NETO1: variants seen among roughly 807,000 people sequenced by gnomAD.
NETO1 encodes neuropilin and tolloid-like protein 1.
A neutral mutation model predicts 61.3 loss-of-function variants in NETO1; 26 were observed. The observed-to-expected ratio is 0.42, with a 90% confidence interval of 0.31 to 0.59. The LOEUF is 0.59. Among genes scored for constraint, NETO1 ranks in the 20% least tolerant of loss-of-function variants. The pLI, the probability that NETO1 is intolerant of heterozygous loss-of-function variation, is 0.12. For synonymous variants in NETO1, 225 were observed against 225.8 expected (o/e 1.00, Z 0.03); for missense variants, 531 against 662.8 (o/e 0.80, Z 2.18).
intron 7 of NETO1, among the ~76,000 whole-genome samples, chr18:72,775,438 T>C (rs763750830): frequency 2.0e-5 from 3 of 152,190 alleles, no homozygotes; most frequent in Admixed American, 1.3e-4. Flanking sequence ...TGCATTCATA[T>C]AGTCCCCAAA....
intron 4 of NETO1, among the ~76,000 whole-genome samples, chr18:72,823,069 A>G (rs1256960330): frequency 6.6e-6 from 1 of 152,186 alleles, no homozygotes; most frequent in Non-Finnish European, 1.5e-5. Flanking sequence ...CAAGATACAG[A>G]TACCCAAAAA....
chr18:72,861,033 C>T (rs2074556237), intron 3 of NETO1, among the ~76,000 whole-genome samples: 1 of 152,182 alleles, frequency 6.6e-6, no homozygotes, highest in South Asian at 2.1e-4. Flanking sequence ...CAGTCCTTAG[C>T]TAATTTACTT....
At position 72,748,998 on chromosome 18, in the gene NETO1, A is replaced by T. The variant is rs1240477639; in HGVS notation, c.*14+16T>A. On this transcript the variant is annotated intron_variant, in intron 10 of 10. Transcript: ENST00000327305. The stretch of plus-strand genomic sequence containing the variant: ...ATACGACAAAGTAGGAAAAGGAACC[A>T]AGGGCATCTGCTTACCTTGAATTTT... 1.3e-6 allele frequency: 2 copies of T among 1,554,018 alleles called. No homozygotes were observed. The highest frequency in any genetic ancestry group is 3.3e-5 in the Admixed American group (2 of 59,744).
At position 72,858,856 on chromosome 18, in the gene NETO1, C is replaced by G. The variant is rs1300015503; in HGVS notation, c.439G>C (p.Gly147Arg). 6.2e-7 allele frequency: 1 copy of G among 1,612,588 alleles called. No individual in the cohort carries two copies. The highest frequency in any genetic ancestry group is 1.3e-5 in the African/African-American group (1 of 74,794). Reference protein sequence around the residue: ...FFADGELESMGFSARYNFTPD... With the variant: ...FFADGELESMRFSARYNFTPD... ...GTGAAATTGTATCGAGCTGAAAATC[C>G]CATAGATTCCAGCTCTCCATCAGCA... Residue 147 changes from glycine (G) to arginine (R), a missense_variant, in exon 4 of 11, where the codon GGA (glycine) becomes CGA (arginine). Coordinates refer to ENST00000327305, the MANE Select transcript of NETO1 (RefSeq NM_138966.5).
chr18:72,865,421 G>T, intron 1 of NETO1, 180 bp from the exon 2 acceptor site: 1 of 1,098,386 alleles, frequency 9.1e-7, no homozygotes, highest in Non-Finnish European at 1.3e-6. Context: ...AGGAAACCTT[G>T]GGACTCCCTT....
chr18:72,783,657 G>C, intron 7 of NETO1, 21 bp downstream of exon 7: 1 of 1,606,374 alleles, frequency 6.2e-7, no homozygotes, highest in Non-Finnish European at 8.5e-7. Context: ...AGGAAAAATA[G>C]TCAAGTGCAG....
rs1032556178 is a variant in NETO1, at chr18:72,756,525, T to A, written c.869-378A>T. ...TTTAGTTTTACTGTGCAAAAACACC[T>A]AATAGAAATTTTTAAATAATTTTGA... On this transcript the variant is annotated intron_variant, in intron 7 of 10. Transcript: ENST00000327305. 2.0e-5 allele frequency among the ~76,000 whole-genome samples: 3 copies of A among 152,136 alleles called. No homozygotes were observed. In the South Asian group the frequency reaches 6.2e-4, roughly 31 times the overall value.
chr18:72,764,431 A>T (rs1189043173), intron 7 of NETO1, among the ~76,000 whole-genome samples: 1 of 152,170 alleles, frequency 6.6e-6, no homozygotes. Flanking sequence ...AATGTTTATC[A>T]GTTCAGGTAA....
intron 4 of NETO1, among the ~76,000 whole-genome samples, chr18:72,816,755 A>G (rs181687769): frequency 1.3e-5 from 2 of 152,278 alleles, no homozygotes; most frequent in East Asian, 3.9e-4. Flanking sequence ...TCATCCCACC[A>G]TCTTCCCATT....
At chr18:72,763,307 C>T (rs952363256) in intron 7 of NETO1, among the ~76,000 whole-genome samples, 3 of 152,004 alleles carry the variant, frequency 2.0e-5, no homozygotes, top group Non-Finnish European at 2.9e-5. Context: ...TATTACATCA[C>T]GAAAAATTGG....
chr18:72,745,951 G>C lies in NETO1; in HGVS notation c.*2228C>G, dbSNP rs1323787324. On this transcript the variant is annotated 3_prime_UTR_variant, in exon 11 of 11. Transcript: ENST00000327305. ...ACAGTTGTTTTCCCATGAAGCTGCT[G>C]TGTGTTAAATATATGTGAGCTATTC... 1 of 152,146 alleles carries C rather than the reference G, an allele frequency of 6.6e-6. No homozygotes were observed. Among genetic ancestry groups the C allele is most frequent in the Non-Finnish European group, 1.5e-5 (1 of 68,032 alleles). The allele number at this position is 152,146 out of a possible 1,614,324, so 9.4% of individuals were successfully genotyped here. A position where few individuals can be genotyped will look rare whatever the true frequency, so the allele number is the denominator to read the frequency against.
At chr18:72,827,710 C>T (rs145017527) in intron 4 of NETO1, among the ~76,000 whole-genome samples, 1,410 of 125,360 alleles carry the variant, frequency 0.011, 33 homozygotes, top group African/African-American at 0.04. Flanking sequence ...AAGTGAGACC[C>T]TGTCTCAAAA....
At chr18:72,807,040 A>C (rs2072696539) in intron 4 of NETO1, among the ~76,000 whole-genome samples, 1 of 152,186 alleles carries the variant, frequency 6.6e-6, no homozygotes, top group African/African-American at 2.4e-5. Flanking sequence ...ATGGCAGAAA[A>C]ATCTTAACAG....
intron 4 of NETO1, among the ~76,000 whole-genome samples, chr18:72,809,942 C>T (rs1484711842): frequency 2.6e-5 from 4 of 152,200 alleles, no homozygotes; most frequent in Non-Finnish European, 4.4e-5. Context: ...GTCCCTTTTA[C>T]GTCTATTTAG....
At chr18:72,752,947 G>A (rs961227946) in intron 8 of NETO1, among the ~76,000 whole-genome samples, 1 of 151,886 alleles carries the variant, frequency 6.6e-6, no homozygotes, top group Non-Finnish European at 1.5e-5. Flanking sequence ...AGAGGCATGC[G>A]AATAGTGCAA....
intron 6 of NETO1, among the ~76,000 whole-genome samples, chr18:72,791,191 C>T (rs931034761): frequency 5.9e-5 from 9 of 152,108 alleles, no homozygotes; most frequent in African/African-American, 1.9e-4. Flanking sequence ...GTAAAGGAGA[C>T]ATCAGATATT....
intron 4 of NETO1, among the ~76,000 whole-genome samples, chr18:72,836,581 C>T (rs558109742): frequency 9.2e-5 from 14 of 152,072 alleles, no homozygotes; most frequent in African/African-American, 2.4e-4. Context: ...AATAAATGAA[C>T]GAGTTAAGAA....
At chr18:72,812,763 C>T (rs986292598) in intron 4 of NETO1, among the ~76,000 whole-genome samples, 66 of 152,228 alleles carry the variant, frequency 4.3e-4, no homozygotes, top group African/African-American at 1.5e-3. Flanking sequence ...CTATAAATAA[C>T]TCATAAAACT....
intron 4 of NETO1, among the ~76,000 whole-genome samples, chr18:72,824,873 G>T (rs1449350106): frequency 6.6e-6 from 1 of 151,702 alleles, no homozygotes; most frequent in Non-Finnish European, 1.5e-5. Context: ...AGTGAGACTC[G>T]GTCTCAAACA....
Sources: gnomAD v4.1 joint callset for allele counts (sites outside exome capture counted in the v4.1 genomes callset) on GRCh38, gnomAD v4.1.1 for gene constraint, MANE v1.5 for transcripts, NCBI Gene and HGNC (gene_info 2026-07-23, HGNC 2026-07-21) for gene names.